Variants in TBL1X observed in about 807,000 individuals in gnomAD.
TBL1X encodes the protein F-box-like/WD repeat-containing protein TBL1X.
In TBL1X, 10 loss-of-function variants were observed where a neutral mutation model predicts 50.7. The observed-to-expected ratio is 0.20, with a 90% CI of 0.12 to 0.33. TBL1X has a LOEUF of 0.33. Among genes scored for constraint, TBL1X ranks in the 10% least tolerant of loss-of-function variants. TBL1X has a pLI of 1.00. For synonymous variants in TBL1X, 190 were observed against 214.7 expected (o/e 0.88, Z 1.01); for missense variants, 340 against 504.4 (o/e 0.67, Z 3.12).
intron 2 of TBL1X, among the ~76,000 whole-genome samples, chrX:9,574,791 T>A (rs1473536635): frequency 3.6e-5 from 4 of 111,797 alleles, no homozygotes; most frequent in Non-Finnish European, 5.6e-5. Flanking sequence ...TCATTGAGCA[T>A]CCCTGCATTT....
chrX:9,611,935 C>A (rs759543164), intron 2 of TBL1X, among the ~76,000 whole-genome samples: 8 of 112,373 alleles, frequency 7.1e-5, no homozygotes, highest in Admixed American at 2.8e-4. Context: ...GCCAGGTCAG[C>A]GGCCCCAAAA....
intron 12 of TBL1X, among the ~76,000 whole-genome samples, chrX:9,703,449 G>A (rs1226509292): frequency 1.8e-5 from 2 of 111,693 alleles, no homozygotes; most frequent in African/African-American, 3.3e-5. Context: ...TGCTGGTGTG[G>A]CCCCCGCAGT....
intron 5 of TBL1X, among the ~76,000 whole-genome samples, chrX:9,673,738 C>G (rs769428297): frequency 1.8e-5 from 2 of 112,297 alleles, no homozygotes; most frequent in Admixed American, 1.9e-4. Context: ...CCTCAGGTTC[C>G]CCATCCACAA....
chrX:9,635,550 C>T (rs1336263117), intron 2 of TBL1X, among the ~76,000 whole-genome samples: 1 of 111,870 alleles, frequency 8.9e-6, no homozygotes, highest in Non-Finnish European at 1.9e-5. Context: ...AGGTAGTGAG[C>T]ATGTGCGGCC....
intron 12 of TBL1X, among the ~76,000 whole-genome samples, chrX:9,701,793 C>T (rs2083175423): frequency 9.0e-6 from 1 of 110,913 alleles, no homozygotes; most frequent in African/African-American, 3.3e-5. Flanking sequence ...TGCCGAAATG[C>T]AGAGGCTGGA....
chrX:9,589,769 A>G (rs1434059129), intron 2 of TBL1X, among the ~76,000 whole-genome samples: 4 of 112,048 alleles, frequency 3.6e-5, no homozygotes, highest in Non-Finnish European at 7.5e-5. Context: ...CATAACAGTT[A>G]AGAATCATTA....
intron 5 of TBL1X, among the ~76,000 whole-genome samples, chrX:9,658,450 C>T (rs778118197): frequency 9.0e-6 from 1 of 110,778 alleles, no homozygotes; most frequent in Admixed American, 9.6e-5. Context: ...GCAGCTCCCC[C>T]AAATGCTGGG....
At chrX:9,703,388 T>A (rs2083187333) in intron 12 of TBL1X, among the ~76,000 whole-genome samples, 1 of 111,471 alleles carries the variant, frequency 9.0e-6, no homozygotes, top group African/African-American at 3.3e-5. Context: ...CCTTTTCTGC[T>A]GCTCATCAGT....
intron 2 of TBL1X, among the ~76,000 whole-genome samples, chrX:9,615,673 T>C (rs1409386610): frequency 8.9e-6 from 1 of 112,393 alleles, no homozygotes; most frequent in Non-Finnish European, 1.9e-5. Context: ...GACTATGAAC[T>C]GTGTTTTAAT....
intron 12 of TBL1X, 82 bp downstream of exon 12, chrX:9,697,511 C>G (rs1386287394): frequency 8.6e-7 from 1 of 1,159,677 alleles, no homozygotes; most frequent in Admixed American, 2.3e-5. Context: ...GTGGCTTACG[C>G]CTGTAATCCC....
At chrX:9,543,858 A>G (rs1350162628) in intron 2 of TBL1X, among the ~76,000 whole-genome samples, 2 of 111,968 alleles carry the variant, frequency 1.8e-5, no homozygotes, top group African/African-American at 6.5e-5. Flanking sequence ...GCTACTCTCC[A>G]CATATGGAGC....
intron 2 of TBL1X, among the ~76,000 whole-genome samples, chrX:9,538,746 G>C (rs1430699131): frequency 1.8e-5 from 2 of 112,663 alleles, no homozygotes; most frequent in Non-Finnish European, 3.7e-5. Flanking sequence ...CTTGTGTCCA[G>C]AGCCCCAGAA....
chrX:9,691,381 A>G (rs1196055342), intron 7 of TBL1X, among the ~76,000 whole-genome samples, 198 bp from the exon 8 acceptor site: 1 of 104,432 alleles, frequency 9.6e-6, no homozygotes, highest in Non-Finnish European at 1.9e-5. Flanking sequence ...GGTTGCAGTG[A>G]GCCGAGGTCG....
chrX:9,609,933 A>G (rs1025257354), intron 2 of TBL1X, among the ~76,000 whole-genome samples: 1 of 112,443 alleles, frequency 8.9e-6, no homozygotes, highest in Non-Finnish European at 1.9e-5. Context: ...CCAATATTGC[A>G]CTTTCTGAGT....
At chrX:9,613,942 C>T (rs1314438377) in intron 2 of TBL1X, among the ~76,000 whole-genome samples, 4 of 97,968 alleles carry the variant, frequency 4.1e-5, no homozygotes, top group East Asian at 3.3e-4. Flanking sequence ...GCTGAGATTG[C>T]GCCACTGCAC....
intron 2 of TBL1X, among the ~76,000 whole-genome samples, chrX:9,621,751 G>T (rs181261031): frequency 1.6e-3 from 179 of 111,863 alleles, no homozygotes; most frequent in African/African-American, 5.7e-3. Flanking sequence ...ATTTCCCAAC[G>T]ACACAAATTA....
intron 2 of TBL1X, among the ~76,000 whole-genome samples, chrX:9,581,052 G>C (rs983360102): frequency 9.0e-6 from 1 of 111,438 alleles, no homozygotes; most frequent in Admixed American, 9.5e-5. Context: ...AGGTGCTTGG[G>C]GGGCTTTCGA....
intron 1 of TBL1X, among the ~76,000 whole-genome samples, chrX:9,499,905 G>A (rs1336058547): frequency 9.1e-6 from 1 of 109,839 alleles, no homozygotes; most frequent in African/African-American, 3.3e-5. Flanking sequence ...TTGAACCTGG[G>A]AGGTGGAGGT....
At chrX:9,505,009 A>G (rs1416294560) in intron 2 of TBL1X, among the ~76,000 whole-genome samples, 1 of 111,617 alleles carries the variant, frequency 9.0e-6, no homozygotes, top group African/African-American at 3.3e-5. Flanking sequence ...ACACATAATC[A>G]TCAGATTTTC....
Sources: allele counts gnomAD v4.1 joint callset (sites outside exome capture counted in the v4.1 genomes callset), GRCh38; gene constraint gnomAD v4.1.1; transcripts MANE v1.5; gene names NCBI Gene and HGNC (gene_info 2026-07-23, HGNC 2026-07-21).